KCNIP1: variants seen among roughly 807,000 people sequenced by gnomAD.
KCNIP1 encodes the protein potassium voltage-gated channel interacting protein 1, also known as A-type potassium channel modulatory protein KCNIP1.
A neutral mutation model predicts 33.0 loss-of-function variants in KCNIP1; 18 were observed. The observed-to-expected ratio is 0.55, with a 90% confidence interval of 0.38 to 0.81. KCNIP1 has a LOEUF of 0.81. KCNIP1 is among the 30% of genes least tolerant of loss of function. The pLI, the probability that KCNIP1 is intolerant of heterozygous loss-of-function variation, is 0.00. For missense variants in KCNIP1, 238 were observed against 271.6 expected (o/e 0.88, Z 0.87); for synonymous variants, 93 against 98.3 (o/e 0.95, Z 0.32).
At chr5:170,435,169 G>A (rs1295849069) in intron 1 of KCNIP1, among the ~76,000 whole-genome samples, 1 of 152,208 alleles carries the variant, frequency 6.6e-6, no homozygotes, top group Non-Finnish European at 1.5e-5. Flanking sequence ...GTACCACCTG[G>A]TGCCCAGCAG....
intron 5 of KCNIP1, 32 bp downstream of exon 5, chr5:170,722,852 G>T (rs1400174465): frequency 7.1e-7 from 1 of 1,416,486 alleles, no homozygotes. Context: ...GTGTGAGAGG[G>T]CTCCAGTGAA....
intron 1 of KCNIP1, among the ~76,000 whole-genome samples, chr5:170,492,229 T>C (rs1297829967): frequency 6.6e-6 from 1 of 152,252 alleles, no homozygotes; most frequent in Non-Finnish European, 1.5e-5. Flanking sequence ...TCCTCAGGTC[T>C]AATAATTTGC....
At chr5:170,462,502 G>C (rs1237367268) in intron 1 of KCNIP1, among the ~76,000 whole-genome samples, 2 of 152,174 alleles carry the variant, frequency 1.3e-5, no homozygotes, top group African/African-American at 4.8e-5. Flanking sequence ...TGGATGTGGT[G>C]AACAGGGAAC....
intron 1 of KCNIP1, among the ~76,000 whole-genome samples, chr5:170,581,686 G>A (rs1180207418): frequency 6.6e-6 from 1 of 152,194 alleles, no homozygotes; most frequent in Non-Finnish European, 1.5e-5. Context: ...TAACGTTGTA[G>A]TACCTCACTT....
At chr5:170,521,867 T>C (rs934031773) in intron 1 of KCNIP1, among the ~76,000 whole-genome samples, 3 of 152,234 alleles carry the variant, frequency 2.0e-5, no homozygotes, top group African/African-American at 7.2e-5. Flanking sequence ...ATATAACTTC[T>C]TGATGGGCCA....
chr5:170,431,200 G>T (rs1043620592), intron 1 of KCNIP1, among the ~76,000 whole-genome samples: 1 of 152,254 alleles, frequency 6.6e-6, no homozygotes, highest in Non-Finnish European at 1.5e-5. Context: ...AAGCTAGGCT[G>T]GCGGAGGAGC....
In KCNIP1 at chr5:170,451,723, T is replaced by TTGTGTGTGTGTGTGTG. The variant is rs67542248; in HGVS notation, c.88+97791_88+97806dup. 1.0e-2 allele frequency among the ~76,000 whole-genome samples: 1,223 copies of TTGTGTGTGTGTGTGTG among 122,910 alleles called. 19 individuals are homozygous for TTGTGTGTGTGTGTGTG. The highest frequency in any genetic ancestry group is 0.013 in the African/African-American group (398 of 31,076). The allele number at this position is 122,910 out of a possible 152,430, so 80.6% of individuals were successfully genotyped here. ...GACAGTTGCTTCAGCTTCTCCTGCATTGTGTGTGTGTGTGTGTGTGTGTGT... is the reference window on the plus strand; with the variant it reads ...GACAGTTGCTTCAGCTTCTCCTGCATTGTGTGTGTGTGTGTGTGTGTGTGTGTGTGTGTGTGTGTGT... On this transcript the variant is annotated intron_variant, in intron 1 of 7. Coordinates refer to the KCNIP1 transcript ENST00000377360.
intron 1 of KCNIP1, among the ~76,000 whole-genome samples, chr5:170,418,434 A>C (rs1755390683): frequency 6.6e-6 from 1 of 152,128 alleles, no homozygotes; most frequent in Admixed American, 6.5e-5. Context: ...GTCTCAAAAA[A>C]ACAAAACAAA....
At chr5:170,713,106 T>C (rs1763515665) in intron 1 of KCNIP1, among the ~76,000 whole-genome samples, 1 of 152,250 alleles carries the variant, frequency 6.6e-6, no homozygotes, top group Admixed American at 6.5e-5. Flanking sequence ...GTTTTCCTTT[T>C]ACAGACATTT....
At chr5:170,631,257 T>C (rs1760041415) in intron 1 of KCNIP1, among the ~76,000 whole-genome samples, 3 of 152,112 alleles carry the variant, frequency 2.0e-5, no homozygotes, top group Non-Finnish European at 4.4e-5. Context: ...GGTGTTAGAA[T>C]TCCTACCTCC....
At chr5:170,393,629 G>C (rs560299910) in intron 1 of KCNIP1, among the ~76,000 whole-genome samples, 10 of 152,202 alleles carry the variant, frequency 6.6e-5, no homozygotes, top group Admixed American at 2.0e-4. Flanking sequence ...AATAACGGTG[G>C]GAGGTTTTTT....
intron 1 of KCNIP1, among the ~76,000 whole-genome samples, chr5:170,541,999 T>C (rs185874365): frequency 1.3e-5 from 2 of 152,320 alleles, no homozygotes; most frequent in African/African-American, 4.8e-5. Context: ...CAGAGCAAGA[T>C]GGGGAAAATG....
chr5:170,553,936 C>T (rs534263722), intron 1 of KCNIP1, among the ~76,000 whole-genome samples: 4 of 152,302 alleles, frequency 2.6e-5, no homozygotes, highest in African/African-American at 7.2e-5. Flanking sequence ...CTAGCACATA[C>T]AGGTGGACAA....
At chr5:170,508,091 T>G (rs930401738) in intron 1 of KCNIP1, among the ~76,000 whole-genome samples, 1 of 152,056 alleles carries the variant, frequency 6.6e-6, no homozygotes, top group Non-Finnish European at 1.5e-5. Context: ...GCAGGAGAAT[T>G]TAGGGACAAC....
intron 1 of KCNIP1, among the ~76,000 whole-genome samples, chr5:170,497,232 G>T (rs1442462491): frequency 6.6e-6 from 1 of 152,144 alleles, no homozygotes; most frequent in East Asian, 1.9e-4. Context: ...TTAATGACCT[G>T]CCTTTTTCAT....
chr5:170,677,674 T>A (rs930115159), intron 1 of KCNIP1, among the ~76,000 whole-genome samples: 4 of 152,194 alleles, frequency 2.6e-5, no homozygotes, highest in African/African-American at 2.4e-5. Flanking sequence ...TCTTTTATGA[T>A]GTCTGGATCA....
chr5:170,481,736 G>T (rs1756981827), intron 1 of KCNIP1, among the ~76,000 whole-genome samples: 1 of 152,190 alleles, frequency 6.6e-6, no homozygotes, highest in Admixed American at 6.5e-5. Context: ...AACCTTATCT[G>T]AAGGGGCTTA....
chr5:170,510,872 G>A (rs988945920), intron 1 of KCNIP1, among the ~76,000 whole-genome samples: 3 of 152,278 alleles, frequency 2.0e-5, no homozygotes, highest in South Asian at 4.1e-4. Context: ...CCTTTCATTG[G>A]TTCATAGCTG....
At chr5:170,378,351 G>A in intron 1 of KCNIP1, 1 of 212,330 alleles carries the variant, frequency 4.7e-6, no homozygotes, top group Non-Finnish European at 9.3e-6. Context: ...ACCGCTTTGA[G>A]ACAACAGGGA....
Sources: gnomAD v4.1 joint callset for allele counts (sites outside exome capture counted in the v4.1 genomes callset) on GRCh38, gnomAD v4.1.1 for gene constraint, MANE v1.5 for transcripts, NCBI Gene and HGNC (gene_info 2026-07-23, HGNC 2026-07-21) for gene names.